GPC5: variants seen among roughly 807,000 people sequenced by gnomAD.
GPC5 encodes glypican 5.
GPC5 carries 47 observed loss-of-function variants against 53.9 expected under a neutral mutation model. The observed-to-expected ratio is 0.87, with a 90% CI of 0.69 to 1.11. The LOEUF is 1.11. Ranked by LOEUF, GPC5 falls within the 50% of genes most tolerant of loss-of-function variation. GPC5 has a pLI of 0.00. For synonymous variants in GPC5, 286 were observed against 263.3 expected (o/e 1.09, Z -0.84); for missense variants, 748 against 713.1 (o/e 1.05, Z -0.56).
chr13:92,299,288 T>G (rs1354650978), intron 7 of GPC5, among the ~76,000 whole-genome samples: 1 of 152,202 alleles, frequency 6.6e-6, no homozygotes, highest in African/African-American at 2.4e-5. Flanking sequence ...ATAAACCATA[T>G]GTCAACTTAA....
intron 5 of GPC5, among the ~76,000 whole-genome samples, chr13:91,820,155 A>T (rs1478284952): frequency 1.3e-5 from 2 of 151,946 alleles, no homozygotes; most frequent in Admixed American, 1.3e-4. Context: ...TTATTTTTTA[A>T]AAAAATATAT....
chr13:91,706,081 A>G (rs1229371897), intron 3 of GPC5, among the ~76,000 whole-genome samples: 3 of 151,534 alleles, frequency 2.0e-5, no homozygotes, highest in East Asian at 1.9e-4. Flanking sequence ...GATTTTCACC[A>G]TGTTGGCCAG....
intron 6 of GPC5, among the ~76,000 whole-genome samples, chr13:92,004,333 T>C (rs928675137): frequency 1.3e-5 from 2 of 150,226 alleles, no homozygotes; most frequent in Admixed American, 6.6e-5. Context: ...TAGTCCCAGC[T>C]ACTCAGGAGG....
chr13:92,461,015 T>TA (rs1285492443), intron 7 of GPC5, among the ~76,000 whole-genome samples: 2 of 152,086 alleles, frequency 1.3e-5, no homozygotes, highest in Non-Finnish European at 2.9e-5. Context: ...CATTGGGTTT[T>TA]AAAAATAGAT....
chr13:91,455,509 C>A (rs954654054), intron 2 of GPC5, among the ~76,000 whole-genome samples: 23 of 151,942 alleles, frequency 1.5e-4, no homozygotes, highest in Non-Finnish European at 2.8e-4. Context: ...ATTTATTTTC[C>A]CTTATGAATA....
intron 6 of GPC5, among the ~76,000 whole-genome samples, chr13:91,983,803 T>C (rs1303209018): frequency 6.6e-6 from 1 of 152,202 alleles, no homozygotes; most frequent in Non-Finnish European, 1.5e-5. Flanking sequence ...CCATTTCATA[T>C]TCGTAATTGG....
At chr13:92,147,990 TA>T (rs1345999348) in intron 7 of GPC5, among the ~76,000 whole-genome samples, 2 of 152,120 alleles carry the variant, frequency 1.3e-5, no homozygotes, top group Non-Finnish European at 2.9e-5. Flanking sequence ...TATTGTGATC[TA>T]AAAAGTTTAA....
At chr13:92,185,198 G>T (rs1391971405) in intron 7 of GPC5, among the ~76,000 whole-genome samples, 3 of 152,110 alleles carry the variant, frequency 2.0e-5, no homozygotes, top group African/African-American at 7.2e-5. Context: ...ATCAGCTTCA[G>T]TTAGTCAGAA....
At chr13:91,539,424 G>T (rs530446670) in intron 2 of GPC5, among the ~76,000 whole-genome samples, 151 of 152,280 alleles carry the variant, frequency 9.9e-4, no homozygotes, top group Non-Finnish European at 1.7e-3. Context: ...GTCTCTGTGG[G>T]TTTCTTTCCC....
chr13:91,478,803 A>ATGTG (rs1396153858), intron 2 of GPC5, among the ~76,000 whole-genome samples: 89 of 110,612 alleles, frequency 8.0e-4, no homozygotes, highest in African/African-American at 3.5e-3. Context: ...GTTTATATAT[A>ATGTG]TATATATATA....
intron 7 of GPC5, among the ~76,000 whole-genome samples, chr13:92,674,967 T>G (rs1886887035): frequency 6.6e-6 from 1 of 152,174 alleles, no homozygotes; most frequent in Non-Finnish European, 1.5e-5. Flanking sequence ...ATTAGCTTAT[T>G]TAAAAACCCT....
chr13:91,871,350 T>C (rs1412305230), intron 5 of GPC5, among the ~76,000 whole-genome samples: 1 of 151,930 alleles, frequency 6.6e-6, no homozygotes, highest in Admixed American at 6.6e-5. Context: ...CGGGGTCTAC[T>C]TGAGAGAGGG....
chr13:92,199,242 G>T (rs1241946113), intron 7 of GPC5, among the ~76,000 whole-genome samples: 1 of 152,146 alleles, frequency 6.6e-6, no homozygotes, highest in Non-Finnish European at 1.5e-5. Context: ...GCATTTTTCT[G>T]TTTTACTGCA....
At chr13:91,779,356 T>G (rs569884445) in intron 5 of GPC5, among the ~76,000 whole-genome samples, 112 of 152,302 alleles carry the variant, frequency 7.4e-4, no homozygotes, top group Non-Finnish European at 3.2e-4. Flanking sequence ...TTTTTCTTTT[T>G]TCTTTTTTTT....
chr13:91,927,074 T>C (rs2039776358), intron 6 of GPC5, among the ~76,000 whole-genome samples: 1 of 152,170 alleles, frequency 6.6e-6, no homozygotes, highest in Non-Finnish European at 1.5e-5. Flanking sequence ...GAAAAATACT[T>C]AAAATCATAG....
At chr13:92,297,066 C>T (rs1226816085) in intron 7 of GPC5, among the ~76,000 whole-genome samples, 1 of 152,254 alleles carries the variant, frequency 6.6e-6, no homozygotes, top group Non-Finnish European at 1.5e-5. Context: ...TGGCGCAGGA[C>T]TGGCAGGCAG....
At chr13:91,884,697 C>T (rs940980547) in intron 5 of GPC5, among the ~76,000 whole-genome samples, 6 of 152,168 alleles carry the variant, frequency 3.9e-5, no homozygotes, top group African/African-American at 1.4e-4. Context: ...AGTTAAGAGG[C>T]CTTTGCAATA....
chr13:92,774,667 C>T (rs1398491206), intron 7 of GPC5, among the ~76,000 whole-genome samples: 1 of 152,094 alleles, frequency 6.6e-6, no homozygotes, highest in Non-Finnish European at 1.5e-5. Flanking sequence ...TAGTCCAATT[C>T]AGCACAGAAA....
chr13:92,780,485 T>C (rs1252584265), intron 7 of GPC5, among the ~76,000 whole-genome samples: 1 of 151,978 alleles, frequency 6.6e-6, no homozygotes, highest in Non-Finnish European at 1.5e-5. Context: ...CAAGTGATAA[T>C]TTCTAGTTTA....
Sources: gnomAD v4.1 joint callset for allele counts (sites outside exome capture counted in the v4.1 genomes callset) on GRCh38, gnomAD v4.1.1 for gene constraint, MANE v1.5 for transcripts, NCBI Gene and HGNC (gene_info 2026-07-23, HGNC 2026-07-21) for gene names.